The following CARHSP1 variants were observed in gnomAD, a reference collection of about 807,000 sequenced individuals.
CARHSP1 encodes the protein calcium regulated heat stable protein 1, also known as calcium-regulated heat-stable protein 1.
Under a neutral mutation model 12.5 loss-of-function variants are expected in CARHSP1, and 14 were observed. The observed-to-expected ratio is 1.12, with a 90% CI of 0.74 to 1.75. The LOEUF (loss-of-function observed/expected upper bound fraction) is 1.75, where lower values mean the gene tolerates loss of function less well. CARHSP1 is among the 40% of genes most tolerant of loss of function. The pLI is 0.00. For missense variants in CARHSP1, 343 were observed against 201.6 expected (o/e 1.70, Z -4.25); for synonymous variants, 161 against 82.0 (o/e 1.96, Z -5.20).
At chr16:8,856,722 CTCTG>C (rs2141077064) in intron 3 of CARHSP1, among the ~76,000 whole-genome samples, 1 of 152,278 alleles carries the variant, frequency 6.6e-6, no homozygotes, top group East Asian at 1.9e-4. Context: ...CAGAGTAGGA[CTCTG>C]TCTGCCCCTG....
chr16:8,857,070 C>A (rs938446776), intron 3 of CARHSP1, among the ~76,000 whole-genome samples: 1 of 152,190 alleles, frequency 6.6e-6, no homozygotes, highest in Middle Eastern at 3.4e-3. Flanking sequence ...GGTCCCCAGG[C>A]CAAACAGGGC....
chr16:8,856,290 G>T (rs2141074023), intron 3 of CARHSP1, among the ~76,000 whole-genome samples: 1 of 152,252 alleles, frequency 6.6e-6, no homozygotes, highest in African/African-American at 2.4e-5. Flanking sequence ...ACCCCCTTCA[G>T]ATGCTAAATG....
intron 1 of CARHSP1, among the ~76,000 whole-genome samples, chr16:8,865,552 G>A (rs1447018981): frequency 1.3e-5 from 2 of 152,234 alleles, no homozygotes; most frequent in Non-Finnish European, 2.9e-5. Flanking sequence ...AGGGTGTCTT[G>A]AGCCTTCCAT....
At chr16:8,858,966 G>GGTAACAGGT in intron 2 of CARHSP1, 2 of 492,356 alleles carry the variant, frequency 4.1e-6, no homozygotes, top group Non-Finnish European at 7.1e-6. Context: ...ACTCCCAGCT[G>GGTAACAGGT]GTAACAGGTT....
At chr16:8,860,847 T>TG (rs2061331459) in intron 1 of CARHSP1, among the ~76,000 whole-genome samples, 1 of 151,810 alleles carries the variant, frequency 6.6e-6, no homozygotes, top group Admixed American at 6.6e-5. Flanking sequence ...GGTCAGGAGT[T>TG]GGAGACCAGC....
chr16:8,857,407 G>A (rs544518126), intron 3 of CARHSP1: 3 of 134,886 alleles, frequency 2.2e-5, no homozygotes, highest in African/African-American at 5.6e-5. Flanking sequence ...CTTAGCCTCC[G>A]AAGTAGCTGG....
chr16:8,853,684 T>C lies in CARHSP1; in HGVS notation c.*1480A>G, dbSNP rs541754102. 9 of 152,354 alleles carry C rather than the reference T, an allele frequency of 5.9e-5. No homozygotes were observed. The East Asian group carries it at 1.5e-3, about 26-fold the overall frequency. The allele number at this position is 152,354 out of a possible 1,614,324, so 9.4% of individuals were successfully genotyped here. On this transcript the variant is annotated 3_prime_UTR_variant, in exon 4 of 4. Coordinates refer to ENST00000311052, the MANE Select transcript of CARHSP1 (RefSeq NM_014316.4). ...GATTCTTGACTACATATAGGTCATA[T>C]ATTTCAAAAAATAATGCCTAGCTAT...
chr16:8,859,232 G>A lies in CARHSP1; in HGVS notation c.97C>T (p.Pro33Ser), dbSNP rs1282333000. 2 of 1,602,328 alleles carry A rather than the reference G, an allele frequency of 1.2e-6. No individual in the cohort carries two copies. Among genetic ancestry groups the A allele is most frequent in the South Asian group, 1.1e-5 (1 of 89,234 alleles). The part of the protein sequence containing the change: ...TPRSRERSPS[P>S]LRGNVVPSPL... ...CTTGGGACCACGTTGCCCCGCAGAG[G>A]GGATGGTGAGCGCTCACGGCTCCGA... is the stretch of plus-strand genomic sequence containing the variant. Residue 33 changes from proline to serine, a missense_variant, in exon 2 of 4, where the codon CCT (proline) becomes TCT (serine). Pro to Ser is a moderately conservative substitution (Grantham distance 74). Coordinates refer to ENST00000311052, the MANE Select transcript of CARHSP1 (RefSeq NM_014316.4).
intron 2 of CARHSP1, 64 bp downstream of exon 2, chr16:8,859,107 T>A: frequency 2.1e-6 from 3 of 1,457,048 alleles, no homozygotes; most frequent in Non-Finnish European, 2.8e-6. Flanking sequence ...AGAGACACAG[T>A]GAATCTCTGG....
At chr16:8,862,022 T>TTTTTTTTTTTGG (rs2061372070) in intron 1 of CARHSP1, among the ~76,000 whole-genome samples, 1 of 142,194 alleles carries the variant, frequency 7.0e-6, no homozygotes, top group Non-Finnish European at 1.5e-5. Context: ...TTTTTTAATT[T>TTTTTTTTTTTGG]GAGATGGAGT....
rs148643770 is a variant in CARHSP1, at chr16:8,855,247, G to A, written c.361C>T (p.Leu121=). The change falls in exon 4 of 4, where the codon CTG becomes TTG. Residue 121 remains leucine, a synonymous_variant. Coordinates refer to ENST00000311052, the MANE Select transcript of CARHSP1 (RefSeq NM_014316.4). ...MCSIPPKNEK[L]QAVEVVITHL... ...GTGATGACGACCTCCACGGCCTGCA[G>A]CTTCTCATTCTTGGGTGGGATGGAG... is the stretch of plus-strand genomic sequence containing the variant. 4,372 of 1,613,380 alleles carry A rather than the reference G, an allele frequency of 2.7e-3. 10 individuals carry two copies. Among genetic ancestry groups the A allele is most frequent in the Admixed American group, 4.1e-3 (246 of 59,950 alleles).
intron 1 of CARHSP1, chr16:8,860,171 G>C (rs1424568170): frequency 1.0e-6 from 1 of 985,328 alleles, no homozygotes; most frequent in African/African-American, 1.7e-5. Context: ...GCCACGTTTG[G>C]ATCCCTGAGC....
chr16:8,859,034 AGCCCACG>A (rs906237635), intron 2 of CARHSP1, 130 bp downstream of exon 2: 9 of 747,278 alleles, frequency 1.2e-5, no homozygotes, highest in African/African-American at 1.1e-4. Context: ...TCTCACCCTC[AGCCCACG>A]GCCCAGCCCC....
At chr16:8,856,779 G>C (rs771033138) in intron 3 of CARHSP1, among the ~76,000 whole-genome samples, 2 of 152,254 alleles carry the variant, frequency 1.3e-5, no homozygotes, top group East Asian at 3.9e-4. Context: ...AAAGAAGCAG[G>C]TAGGGACAAG....
chr16:8,854,491 T>G lies in CARHSP1; in HGVS notation c.*673A>C, dbSNP rs1300730298. The G allele has an allele frequency of 6.5e-6, 1 of 152,684 alleles. No individual in the cohort carries two copies. Among genetic ancestry groups the G allele is most frequent in the African/African-American group, 2.4e-5 (1 of 41,440 alleles). 9.5% of individuals were successfully genotyped at this position (152,684 alleles called of 1,614,324 possible). A position where few individuals can be genotyped will look rare whatever the true frequency, so the allele number is the denominator to read the frequency against. On this transcript the variant is annotated 3_prime_UTR_variant, in exon 4 of 4. Coordinates refer to ENST00000311052, the MANE Select transcript of CARHSP1 (RefSeq NM_014316.4). ...TCAGCCTCCCAGTACCAGCCTGCTG[T>G]GCCCAGGGGTGGGAGTGCTGGGAGA...
At chr16:8,863,767 TG>T (rs995529016) in intron 1 of CARHSP1, among the ~76,000 whole-genome samples, 1 of 151,508 alleles carries the variant, frequency 6.6e-6, no homozygotes, top group Non-Finnish European at 1.5e-5. Flanking sequence ...AGAAAACAAC[TG>T]GGGGGCGGGT....
In CARHSP1 at chr16:8,854,463, G is replaced by C. The variant is rs550896695; in HGVS notation, c.*701C>G. On this transcript the variant is annotated 3_prime_UTR_variant, in exon 4 of 4. Transcript: ENST00000311052. The stretch of plus-strand genomic sequence containing the variant: ...GATGAAAAGGTCAGGCTCTAAGAGG[G>C]GTTCAGCCTCCCAGTACCAGCCTGC... The C allele has an allele frequency of 1.3e-5, 2 of 152,790 alleles. No homozygotes were observed. The highest frequency in any genetic ancestry group is 4.8e-5 in the African/African-American group (2 of 41,578). 9.5% of individuals were successfully genotyped at this position (152,790 alleles called of 1,614,324 possible). A position where few individuals can be genotyped will look rare whatever the true frequency, so the allele number is the denominator to read the frequency against.
chr16:8,868,524 G>T (rs544778594), intron 1 of CARHSP1: 1 of 147,100 alleles, frequency 6.8e-6, no homozygotes, highest in African/African-American at 2.5e-5. Flanking sequence ...CCTGGCCGCC[G>T]TCCCAACCTC....
intron 1 of CARHSP1, 67 bp from the exon 2 acceptor site, chr16:8,859,402 G>A: frequency 2.2e-6 from 3 of 1,391,472 alleles, no homozygotes; most frequent in Non-Finnish European, 2.9e-6. Context: ...TTACCCCCAT[G>A]TCCACGTCTG....
Sources: gnomAD v4.1 joint callset for allele counts (sites outside exome capture counted in the v4.1 genomes callset) on GRCh38, gnomAD v4.1.1 for gene constraint, MANE v1.5 for transcripts, NCBI Gene and HGNC (gene_info 2026-07-23, HGNC 2026-07-21) for gene names.